Variants in SH3BP5L observed in about 807,000 individuals in gnomAD.
SH3BP5L encodes SH3 binding domain protein 5 like, also known as SH3 domain-binding protein 5-like.
Under a neutral mutation model 40.9 loss-of-function variants are expected in SH3BP5L, and 16 were observed. That is an observed-to-expected ratio of 0.39 (90% CI 0.27 to 0.59). SH3BP5L has a LOEUF of 0.59. Ranked by LOEUF, SH3BP5L falls within the 20% of genes least tolerant of loss-of-function variation. The probability of loss-of-function intolerance (pLI) is 0.53; values close to 1 mark genes in which losing one functional copy is unlikely to be tolerated. For missense variants in SH3BP5L, 471 were observed against 544.6 expected (o/e 0.86, Z 1.35); for synonymous variants, 229 against 226.7 (o/e 1.01, Z -0.09).
At chr1:248,816,974 G>A (rs757940446) in intron 2 of SH3BP5L, 90 bp from the exon 3 acceptor site, 39 of 1,600,712 alleles carry the variant, frequency 2.4e-5, no homozygotes, top group Non-Finnish European at 2.7e-5. Flanking sequence ...GAGAGAGAGA[G>A]CCCCACTTGC....
At chr1:248,818,610 T>C (rs1230666270) in intron 2 of SH3BP5L, among the ~76,000 whole-genome samples, 1 of 152,166 alleles carries the variant, frequency 6.6e-6, no homozygotes, top group Non-Finnish European at 1.5e-5. Flanking sequence ...CTGGACAAGC[T>C]GGTTTGAGTG....
chr1:248,813,787 C>T (rs1462802340), intron 5 of SH3BP5L: 2 of 153,276 alleles, frequency 1.3e-5, no homozygotes, highest in African/African-American at 4.8e-5. Context: ...GGAGCCCTCA[C>T]CTGCTCCCTG....
Position 248,814,476 on chromosome 1 carries a change from C to G in SH3BP5L, c.510G>C (p.Gln170His). 1 of 1,614,210 alleles carries G rather than the reference C, an allele frequency of 6.2e-7. No homozygotes were observed. The highest frequency in any genetic ancestry group is 8.5e-7 in the Non-Finnish European group (1 of 1,180,046). The part of the protein sequence containing the change: ...ADKNRLDPTW[Q>H]EMLNHATCKV... Reference sequence around the variant, plus strand: ...TGCAGGTAGCATGGTTCAGCATCTCCTGCCACGTGGGGTCCAGTCGGTTCT... The same window carrying G: ...TGCAGGTAGCATGGTTCAGCATCTCGTGCCACGTGGGGTCCAGTCGGTTCT... Residue 170 changes from glutamine (Q) to histidine (H), a missense_variant, in exon 5 of 7, where the codon CAG (glutamine) becomes CAC (histidine). Physicochemically the swap from Gln to His is conservative, Grantham distance 24. This residue lies in a region of SH3BP5L where 275 missense variants were observed against 370.1 expected (regional missense o/e 0.74). Transcript: ENST00000366472.
At position 248,824,945 on chromosome 1, in the gene SH3BP5L, G is replaced by A; in HGVS notation, c.-10C>T. 1 of 1,610,522 alleles carries A rather than the reference G, an allele frequency of 6.2e-7. No homozygotes were observed. Among genetic ancestry groups the A allele is most frequent in the Non-Finnish European group, 8.5e-7 (1 of 1,178,608 alleles). On this transcript the variant is annotated 5_prime_UTR_variant, in exon 2 of 7. Transcript: ENST00000366472. Reference sequence around the variant, plus strand: ...GTCTGAGCTCAGCCATGCTGACAGGGGGAGGGCAGAGCCCTATGCACAAGA... The same window carrying A: ...GTCTGAGCTCAGCCATGCTGACAGGAGGAGGGCAGAGCCCTATGCACAAGA...
chr1:248,814,554 G>A lies in SH3BP5L; in HGVS notation c.432C>T (p.His144=). 6.2e-7 allele frequency: 1 copy of A among 1,614,226 alleles called. No homozygotes were observed. The highest frequency in any genetic ancestry group is 8.5e-7 in the Non-Finnish European group (1 of 1,180,044). ...ALRYERAVSM[H]NAAREMVFVA... is the part of the protein sequence containing the mutation. ...CAAACACCATTTCTCGAGCAGCGTTGTGCATGCTTACGGCCCGCTCGTACC... is the reference window on the plus strand; with the variant it reads ...CAAACACCATTTCTCGAGCAGCGTTATGCATGCTTACGGCCCGCTCGTACC... The change falls in exon 5 of 7, where the codon CAC becomes CAT. Residue 144 remains histidine, a synonymous_variant. Coordinates refer to ENST00000366472, the MANE Select transcript of SH3BP5L (RefSeq NM_030645.3).
chr1:248,824,931 G>A lies in SH3BP5L; in HGVS notation c.5C>T (p.Ala2Val). The A allele has an allele frequency of 6.2e-7, 1 of 1,612,718 alleles. No individual in the cohort carries two copies. Among genetic ancestry groups the A allele is most frequent in the African/African-American group, 1.3e-5 (1 of 75,012 alleles). Residue 2 changes from alanine to valine, a missense_variant, in exon 2 of 7, where the codon GCT (alanine) becomes GTT (valine). This residue lies in a region of SH3BP5L where 275 missense variants were observed against 370.1 expected (regional missense o/e 0.74). Coordinates refer to ENST00000366472, the MANE Select transcript of SH3BP5L (RefSeq NM_030645.3). M[A>V]ELRQVPGGRE... ...CCCTCCTGGAACCTGTCTGAGCTCA[G>A]CCATGCTGACAGGGGGAGGGCAGAG...
rs926969990 is a variant in SH3BP5L, at chr1:248,825,040, T to C, written c.-105A>G. 3.4e-6 allele frequency: 5 copies of C among 1,469,854 alleles called. No individual in the cohort carries two copies. The highest frequency in any genetic ancestry group is 2.8e-5 in the African/African-American group (2 of 70,280). 91.1% of individuals were successfully genotyped at this position (1,469,854 alleles called of 1,614,324 possible). On this transcript the variant is annotated 5_prime_UTR_variant, in exon 2 of 7. Transcript: ENST00000366472. ...GGGCTCTAGATGGCCAGGAGAAGAG[T>C]TTCTCTTCTCAAAAGGCAGAAAAGG...
At chr1:248,813,765 G>A (rs1419677115) in intron 5 of SH3BP5L, 1 of 153,690 alleles carries the variant, frequency 6.5e-6, no homozygotes. Flanking sequence ...TGTCCTGGTA[G>A]ACAAAGCGGC....
intron 2 of SH3BP5L, among the ~76,000 whole-genome samples, chr1:248,822,655 G>A (rs1664281110): frequency 6.6e-6 from 1 of 151,160 alleles, no homozygotes; most frequent in Non-Finnish European, 1.5e-5. Context: ...GTATAACATT[G>A]AGGAACTGCT....
rs932833730 is a variant in SH3BP5L at position 248,810,624 on chromosome 1, C to T, written c.*1276G>A. ...CAACCTCCCTCAACCTGTAGACCCC[C>T]GTGCAGAGTCCAGTTGCCCACGCAT... is the stretch of plus-strand genomic sequence containing the variant. On this transcript the variant is annotated 3_prime_UTR_variant, in exon 7 of 7. Coordinates refer to ENST00000366472, the MANE Select transcript of SH3BP5L (RefSeq NM_030645.3). The T allele has an allele frequency of 6.6e-5, 10 of 152,278 alleles. No homozygotes were observed. The highest frequency in any genetic ancestry group is 2.4e-4 in the African/African-American group (10 of 41,438). 9.4% of individuals were successfully genotyped at this position (152,278 alleles called of 1,614,324 possible).
chr1:248,816,345 A>T, intron 4 of SH3BP5L, 189 bp downstream of exon 4: 1 of 606,872 alleles, frequency 1.6e-6, no homozygotes, highest in East Asian at 2.9e-5. Context: ...CATTTTATAG[A>T]CCATAAGCCC....
intron 2 of SH3BP5L, among the ~76,000 whole-genome samples, chr1:248,817,268 C>T (rs947794806): frequency 6.6e-6 from 1 of 152,204 alleles, no homozygotes; most frequent in Non-Finnish European, 1.5e-5. Flanking sequence ...GGCTCGCTCT[C>T]TGCGAGAGGA....
At chr1:248,819,898 A>C (rs555187984) in intron 2 of SH3BP5L, among the ~76,000 whole-genome samples, 1 of 152,274 alleles carries the variant, frequency 6.6e-6, no homozygotes, top group South Asian at 2.1e-4. Context: ...CTGCACATGG[A>C]ATTTTTAATT....
At chr1:248,822,552 A>G (rs756739823) in intron 2 of SH3BP5L, among the ~76,000 whole-genome samples, 4 of 152,028 alleles carry the variant, frequency 2.6e-5, no homozygotes, top group Non-Finnish European at 2.9e-5. Flanking sequence ...GAGGCAAAGT[A>G]AGTCTTACGC....
chr1:248,818,743 C>T (rs905298255), intron 2 of SH3BP5L, among the ~76,000 whole-genome samples: 2 of 152,230 alleles, frequency 1.3e-5, no homozygotes, highest in Non-Finnish European at 2.9e-5. Context: ...CGAGAAAACA[C>T]AAAAGTTCCC....
chr1:248,812,009 G>A lies in SH3BP5L; in HGVS notation c.1073C>T (p.Ser358Leu). 4 of 1,610,498 alleles carry A rather than the reference G, an allele frequency of 2.5e-6. No individual in the cohort carries two copies. The highest frequency in any genetic ancestry group is 2.5e-6 in the Non-Finnish European group (3 of 1,178,994). The part of the protein sequence containing the change: ...CDSVEHLRGL[S>L]DHVSLDGQEL... Reference sequence around the variant, plus strand: ...TTGGCCGTCCAGACTGACGTGGTCCGAGAGGCCTCGCAAGTGCTCCACGGA... The same window carrying A: ...TTGGCCGTCCAGACTGACGTGGTCCAAGAGGCCTCGCAAGTGCTCCACGGA... The change falls in exon 7 of 7, where the codon TCG becomes TTG. Residue 358 changes from serine to leucine, a missense_variant. Ser to Leu is a moderately radical substitution (Grantham distance 145). Coordinates refer to ENST00000366472, the MANE Select transcript of SH3BP5L (RefSeq NM_030645.3). The surrounding 1 kb of genome is among the most constrained non-coding windows in gnomAD (Gnocchi z 6.1).
In SH3BP5L at chr1:248,816,831, T is replaced by C; in HGVS notation, c.237A>G (p.Leu79=). The change falls in exon 3 of 7, where the codon CTA becomes CTG. Residue 79 remains leucine, a synonymous_variant. Transcript: ENST00000366472. ...QASEEINQVE[L]QLDEARTTYR... ...GGAAAAGGACACTCACATCCAGCTG[T>C]AGTTCCACCTGGTTGATCTCCTCGC... 1 of 1,613,980 alleles carries C rather than the reference T, an allele frequency of 6.2e-7. No homozygotes were observed. Among genetic ancestry groups the C allele is most frequent in the Non-Finnish European group, 8.5e-7 (1 of 1,179,890 alleles).
At chr1:248,813,358 C>G (rs1227827077) in intron 5 of SH3BP5L, 196 bp from the exon 6 acceptor site, 4 of 462,598 alleles carry the variant, frequency 8.6e-6, no homozygotes, top group Admixed American at 4.3e-5. Flanking sequence ...ATTTCTGTCT[C>G]TCTTGGATCT....
At position 248,812,641 on chromosome 1, in the gene SH3BP5L, C is replaced by G. The variant is rs1036901193; in HGVS notation, c.712-271G>C. Reference sequence around the variant, plus strand: ...CACCTTCCAGAGCCTTCCTCTCAGGCCTTCCTCTCCACCAGCTCCTGCTTC... The same window carrying G: ...CACCTTCCAGAGCCTTCCTCTCAGGGCTTCCTCTCCACCAGCTCCTGCTTC... On this transcript the variant is annotated intron_variant, in intron 6 of 6. Coordinates refer to ENST00000366472, the MANE Select transcript of SH3BP5L (RefSeq NM_030645.3). This position sits in a 1 kb window ranked among gnomAD's most constrained non-coding sequence, Gnocchi z 6.1. Among the ~76,000 whole-genome samples, 3 of 152,154 alleles carry G rather than the reference C, an allele frequency of 2.0e-5. No homozygotes were observed. Among genetic ancestry groups the G allele is most frequent in the African/African-American group, 4.8e-5 (2 of 41,434 alleles).
Sources: gnomAD v4.1 joint callset for allele counts (sites outside exome capture counted in the v4.1 genomes callset) on GRCh38, gnomAD v4.1.1 for gene constraint, gnomAD v4.1.1 regional missense constraint, Gnocchi (gnomAD v3.1) non-coding constraint, MANE v1.5 for transcripts, NCBI Gene and HGNC (gene_info 2026-07-23, HGNC 2026-07-21) for gene names.